Variants in RAD51B observed in about 807,000 individuals in gnomAD.
RAD51B encodes RAD51 paralog B.
RAD51B carries 38 observed loss-of-function variants against 42.2 expected under a neutral mutation model. The ratio of observed to expected loss-of-function variants is 0.90; its 90% CI spans 0.70 to 1.18. The LOEUF is 1.18. RAD51B is among the 50% of genes most tolerant of loss of function. The pLI, the probability that RAD51B is intolerant of heterozygous loss-of-function variation, is 0.00. For synonymous variants in RAD51B, 154 were observed against 145.2 expected (o/e 1.06, Z -0.43); for missense variants, 373 against 400.7 (o/e 0.93, Z 0.59).
rs188456683 is a variant in RAD51B at position 67,820,198 on chromosome 14, C to T, written c.-3+345C>T. On this transcript the variant is annotated intron_variant, in intron 1 of 10. Coordinates refer to ENST00000471583, the MANE Select transcript of RAD51B (RefSeq NM_133510.4). Reference sequence around the variant, plus strand: ...TCATTAGGGGAAGTTGAGGGACTCTCCCACTTCAGGTGGTGTTGGAGAGCG... The same window carrying T: ...TCATTAGGGGAAGTTGAGGGACTCTTCCACTTCAGGTGGTGTTGGAGAGCG... Among the ~76,000 whole-genome samples the T allele has an allele frequency of 9.2e-5, 14 of 152,272 alleles. No homozygotes were observed. The East Asian group carries it at 2.3e-3, about 25-fold the overall frequency.
intron 10 of RAD51B, among the ~76,000 whole-genome samples, chr14:68,648,804 T>G (rs1433351122): frequency 6.6e-6 from 1 of 152,000 alleles, no homozygotes; most frequent in Non-Finnish European, 1.5e-5. Flanking sequence ...ACAATGACAG[T>G]GTTGGGCCAG....
Position 68,648,126 on chromosome 14 carries a change from C to T in RAD51B, c.1037-2655C>T, listed in dbSNP as rs368247892. ...ATATACACACACGTATATATATATA[C>T]ACACACGTATATATATATATACACA... On this transcript the variant is annotated intron_variant, in intron 10 of 11. Coordinates refer to the RAD51B transcript ENST00000488612. Among the ~76,000 whole-genome samples, 65 of 95,596 alleles carry T rather than the reference C, an allele frequency of 6.8e-4. 3 individuals carry two copies. Among genetic ancestry groups the T allele is most frequent in the Admixed American group, 2.3e-3 (22 of 9,468 alleles). 62.7% of individuals were successfully genotyped at this position (95,596 alleles called of 152,430 possible). A position where few individuals can be genotyped will look rare whatever the true frequency, so the allele number is the denominator to read the frequency against.
chr14:68,578,306 G>C (rs1212542940), intron 10 of RAD51B, among the ~76,000 whole-genome samples: 6 of 152,176 alleles, frequency 3.9e-5, no homozygotes, highest in African/African-American at 1.4e-4. Flanking sequence ...AGCTACTCGG[G>C]AGGCTGAGGC....
At chr14:67,907,973 C>A (rs116274284) in intron 7 of RAD51B, among the ~76,000 whole-genome samples, 1 of 152,104 alleles carries the variant, frequency 6.6e-6, no homozygotes, top group Non-Finnish European at 1.5e-5. Context: ...ATAAATCAAC[C>A]GCTAAGGATT....
chr14:67,856,953 G>A (rs149673828), intron 4 of RAD51B, among the ~76,000 whole-genome samples: 97 of 151,370 alleles, frequency 6.4e-4, no homozygotes, highest in African/African-American at 2.1e-3. Flanking sequence ...TGTAAATATT[G>A]TATTCAGTCT....
At chr14:68,195,923 A>C (rs1427733056) in intron 7 of RAD51B, among the ~76,000 whole-genome samples, 1 of 135,450 alleles carries the variant, frequency 7.4e-6, no homozygotes, top group Admixed American at 7.7e-5. Flanking sequence ...AAAAAAAAAA[A>C]AACAACAATT....
intron 9 of RAD51B, among the ~76,000 whole-genome samples, chr14:68,448,235 A>G (rs2085468554): frequency 6.6e-6 from 1 of 152,264 alleles, no homozygotes; most frequent in Admixed American, 6.5e-5. Context: ...TGTCTGACAG[A>G]GAAAACTCAC....
intron 8 of RAD51B, among the ~76,000 whole-genome samples, chr14:68,298,797 A>C (rs2081662044): frequency 6.6e-6 from 1 of 152,190 alleles, no homozygotes; most frequent in Non-Finnish European, 1.5e-5. Flanking sequence ...CACTGCAGAG[A>C]ATGCTATACC....
chr14:68,320,530 G>A (rs1204518332), intron 8 of RAD51B, among the ~76,000 whole-genome samples: 2 of 152,210 alleles, frequency 1.3e-5, no homozygotes, highest in South Asian at 2.1e-4. Context: ...CAGAGCTACC[G>A]TAGTATTCAG....
At chr14:67,995,852 C>T (rs192876827) in intron 7 of RAD51B, among the ~76,000 whole-genome samples, 52 of 152,038 alleles carry the variant, frequency 3.4e-4, no homozygotes, top group African/African-American at 1.1e-3. Context: ...CTCCTGACCT[C>T]GTGATCCGCC....
chr14:68,666,111 C>T (rs1893028442), intron 11 of RAD51B, among the ~76,000 whole-genome samples: 2 of 152,106 alleles, frequency 1.3e-5, no homozygotes, highest in South Asian at 4.1e-4. Context: ...GACTCTGAAG[C>T]CAGCATAGCA....
At chr14:68,047,327 C>T (rs1041096128) in intron 7 of RAD51B, among the ~76,000 whole-genome samples, 5 of 152,156 alleles carry the variant, frequency 3.3e-5, no homozygotes, top group African/African-American at 1.2e-4. Flanking sequence ...AACATTTGTT[C>T]AGTCTCTACT....
intron 7 of RAD51B, among the ~76,000 whole-genome samples, chr14:68,010,395 A>G (rs2075664286): frequency 6.6e-6 from 1 of 151,890 alleles, no homozygotes; most frequent in Admixed American, 6.6e-5. Flanking sequence ...AAATTCAGAT[A>G]AAAAGATCAT....
intron 11 of RAD51B, among the ~76,000 whole-genome samples, chr14:68,663,478 C>A (rs759156374): frequency 6.6e-6 from 1 of 152,214 alleles, no homozygotes; most frequent in Non-Finnish European, 1.5e-5. Flanking sequence ...CTTTCTCTTT[C>A]ACTTCGCCCC....
At chr14:68,452,570 C>T (rs971772228) in intron 9 of RAD51B, among the ~76,000 whole-genome samples, 4 of 152,092 alleles carry the variant, frequency 2.6e-5, no homozygotes, top group African/African-American at 9.7e-5. Flanking sequence ...GTACATTAGC[C>T]TTGCACACAT....
At chr14:68,082,504 T>C (rs189429996) in intron 7 of RAD51B, among the ~76,000 whole-genome samples, 2 of 152,136 alleles carry the variant, frequency 1.3e-5, no homozygotes, top group Non-Finnish European at 2.9e-5. Flanking sequence ...TATGTATGTA[T>C]GTATGTATGT....
intron 8 of RAD51B, among the ~76,000 whole-genome samples, chr14:68,330,250 C>T (rs1272332754): frequency 6.6e-6 from 1 of 151,732 alleles, no homozygotes; most frequent in Non-Finnish European, 1.5e-5. Flanking sequence ...CTCTGAAGAG[C>T]GATGAAAGTA....
intron 10 of RAD51B, among the ~76,000 whole-genome samples, chr14:68,535,997 G>A (rs1219141085): frequency 7.9e-5 from 12 of 152,226 alleles, no homozygotes; most frequent in Admixed American, 7.9e-4. Flanking sequence ...GGTCCCACAG[G>A]ATTGAGGGAA....
intron 9 of RAD51B, among the ~76,000 whole-genome samples, chr14:68,449,602 A>G (rs2085506253): frequency 6.6e-6 from 1 of 151,448 alleles, no homozygotes; most frequent in African/African-American, 2.4e-5. Flanking sequence ...CCAAGATCAC[A>G]CTCCTTCATC....
Sources: allele counts gnomAD v4.1 joint callset (sites outside exome capture counted in the v4.1 genomes callset), GRCh38; gene constraint gnomAD v4.1.1; transcripts MANE v1.5; gene names NCBI Gene and HGNC (gene_info 2026-07-23, HGNC 2026-07-21).